RALGAPA2: variants seen among roughly 807,000 people sequenced by gnomAD.
RALGAPA2 encodes ral GTPase-activating protein subunit alpha-2.
RALGAPA2 carries 139 observed loss-of-function variants against 230.4 expected under a neutral mutation model. The ratio of observed to expected loss-of-function variants is 0.60; its 90% CI spans 0.53 to 0.69. The LOEUF (loss-of-function observed/expected upper bound fraction) is 0.69. RALGAPA2 is among the 30% of genes least tolerant of loss of function. The probability of loss-of-function intolerance (pLI) is 0.00; values close to 1 mark genes in which losing one functional copy is unlikely to be tolerated. For missense variants in RALGAPA2, 2,163 were observed against 2,276.0 expected, an observed-to-expected ratio of 0.95 and a Z score of 1.01; for synonymous variants, 847 against 837.8, an observed-to-expected ratio of 1.01 and a Z score of -0.19.
chr20:20,441,069 G>A (rs564722273), intron 37 of RALGAPA2, among the ~76,000 whole-genome samples: 13 of 152,350 alleles, frequency 8.5e-5, no homozygotes, highest in African/African-American at 2.9e-4. Flanking sequence ...ATGGAGCAGT[G>A]TAGCTCTGCC....
At chr20:20,570,335 CAA>C in intron 23 of RALGAPA2, among the ~76,000 whole-genome samples, 2 of 152,124 alleles carry the variant, frequency 1.3e-5, no homozygotes, top group East Asian at 3.9e-4. Context: ...TCTAAAGCAA[CAA>C]AAAAAGTTTG....
intron 3 of RALGAPA2, among the ~76,000 whole-genome samples, chr20:20,661,450 G>A (rs1181390321): frequency 6.6e-6 from 1 of 152,196 alleles, no homozygotes; most frequent in Non-Finnish European, 1.5e-5. Context: ...GTGAGTCACT[G>A]TGCCTGGCTG....
intron 1 of RALGAPA2, among the ~76,000 whole-genome samples, chr20:20,691,594 A>G (rs2068909731): frequency 6.6e-6 from 1 of 152,196 alleles, no homozygotes; most frequent in Non-Finnish European, 1.5e-5. Context: ...AGGCTTTGAC[A>G]CCACTCCCCG....
In RALGAPA2 at chr20:20,512,575, T is replaced by C; in HGVS notation, c.4794A>G (p.Arg1598=). 1 of 1,613,792 alleles carries C rather than the reference T, an allele frequency of 6.2e-7. No homozygotes were observed. Among genetic ancestry groups the C allele is most frequent in the East Asian group, 2.2e-5 (1 of 44,860 alleles). The change falls in exon 32 of 40, where the codon CGA becomes CGG. Residue 1598 remains arginine (R), a synonymous_variant. Coordinates refer to ENST00000202677, the MANE Select transcript of RALGAPA2 (RefSeq NM_020343.4). The part of the protein sequence containing the change: ...SQGQPSPVEP[R]GPFYFCRLLL... ...ATAACCTGCAGAAATAAAAGGGTCCTCGGGGCTCCACTGGGGAGGGCTGCC... is the reference window on the plus strand; with the variant it reads ...ATAACCTGCAGAAATAAAAGGGTCCCCGGGGCTCCACTGGGGAGGGCTGCC...
intron 1 of RALGAPA2, among the ~76,000 whole-genome samples, chr20:20,681,929 G>A (rs2068535659): frequency 3.3e-5 from 5 of 152,110 alleles, no homozygotes. Context: ...ATTCTGCAAG[G>A]ATTACTCAAG....
At chr20:20,621,343 G>A (rs1050312579) in intron 10 of RALGAPA2, among the ~76,000 whole-genome samples, 5 of 152,088 alleles carry the variant, frequency 3.3e-5, no homozygotes, top group African/African-American at 4.8e-5. Flanking sequence ...GCAACCAGTC[G>A]TGCCCACCTC....
At chr20:20,478,652 A>C (rs568564139) in intron 36 of RALGAPA2, among the ~76,000 whole-genome samples, 1 of 152,262 alleles carries the variant, frequency 6.6e-6, no homozygotes, top group Non-Finnish European at 1.5e-5. Flanking sequence ...TAAAGATAAC[A>C]ACAAAAATTG....
At chr20:20,573,377 C>A (rs949822587) in intron 20 of RALGAPA2, among the ~76,000 whole-genome samples, 6 of 152,130 alleles carry the variant, frequency 3.9e-5, no homozygotes, top group Non-Finnish European at 8.8e-5. Flanking sequence ...GAAACAGTGC[C>A]ATGGAAATGG....
At chr20:20,478,961 T>C (rs1307216906) in intron 36 of RALGAPA2, among the ~76,000 whole-genome samples, 1 of 151,836 alleles carries the variant, frequency 6.6e-6, no homozygotes, top group Non-Finnish European at 1.5e-5. Flanking sequence ...TAAATAATAT[T>C]AGAAACAAAA....
At chr20:20,582,161 A>AGTGTGTGTGTGTGT (rs35240382) in intron 20 of RALGAPA2, among the ~76,000 whole-genome samples, 2,446 of 146,110 alleles carry the variant, frequency 0.017, 32 homozygotes, top group Non-Finnish European at 0.026. Flanking sequence ...AGTGTCACAC[A>AGTGTGTGTGTGTGT]GTGTGTGTGT....
In RALGAPA2 at chr20:20,570,851, G is replaced by A. The variant is rs558695023; in HGVS notation, c.3156+607C>T. 4.6e-5 allele frequency among the ~76,000 whole-genome samples: 7 copies of A among 152,260 alleles called. No individual in the cohort carries two copies. In the South Asian group the frequency reaches 1.5e-3, roughly 32 times the overall value. The stretch of plus-strand genomic sequence containing the variant: ...TATCCGTAATCTCCCTCAACTGGCA[G>A]AAGTCTTCCCAAGGGAGGAAGGTCA... On this transcript the variant is annotated intron_variant, in intron 23 of 39. Coordinates refer to ENST00000202677, the MANE Select transcript of RALGAPA2 (RefSeq NM_020343.4).
At chr20:20,599,882 A>G in intron 16 of RALGAPA2, among the ~76,000 whole-genome samples, 1 of 152,050 alleles carries the variant, frequency 6.6e-6, no homozygotes, top group African/African-American at 2.4e-5. Context: ...CTGAGGTGGT[A>G]GAATCGCTTG....
In RALGAPA2 at chr20:20,458,671, A is replaced by AAT. The variant is rs570013461; in HGVS notation, c.5495+14156_5495+14157dup. Among the ~76,000 whole-genome samples, 555 of 130,810 alleles carry AAT rather than the reference A, an allele frequency of 4.2e-3. 4 individuals are homozygous for AAT. Among genetic ancestry groups the AAT allele is most frequent in the African/African-American group, 0.011 (398 of 34,662 alleles). 85.8% of individuals were successfully genotyped at this position (130,810 alleles called of 152,430 possible). ...GGGGCTGGCAGTAGAGCCCTCATTC[A>AAT]ATATATATATATATAGACCTATATA... On this transcript the variant is annotated intron_variant, in intron 37 of 39. Transcript: ENST00000202677.
intron 37 of RALGAPA2, among the ~76,000 whole-genome samples, chr20:20,427,076 C>T (rs907307410): frequency 2.6e-5 from 4 of 152,148 alleles, no homozygotes; most frequent in Middle Eastern, 3.2e-3. Flanking sequence ...CACGGCCCTG[C>T]CTCTTATGAT....
intron 16 of RALGAPA2, 85 bp from the exon 17 acceptor site, chr20:20,591,399 T>TA: frequency 7.0e-7 from 1 of 1,419,198 alleles, no homozygotes; most frequent in Non-Finnish European, 9.5e-7. Flanking sequence ...ATTTAAAAAA[T>TA]AAAGTTTCAA....
intron 36 of RALGAPA2, among the ~76,000 whole-genome samples, chr20:20,475,560 A>G (rs974012807): frequency 6.6e-6 from 1 of 152,154 alleles, no homozygotes; most frequent in African/African-American, 2.4e-5. Flanking sequence ...AACAGAACAA[A>G]AACTCTCAGC....
At chr20:20,420,992 A>G (rs2060264855) in intron 37 of RALGAPA2, among the ~76,000 whole-genome samples, 1 of 152,192 alleles carries the variant, frequency 6.6e-6, no homozygotes. Flanking sequence ...CAATGTTTTG[A>G]GTAGTGATGA....
At chr20:20,556,146 G>A (rs536605385) in intron 23 of RALGAPA2, among the ~76,000 whole-genome samples, 50 of 152,128 alleles carry the variant, frequency 3.3e-4, no homozygotes, top group Non-Finnish European at 6.3e-4. Flanking sequence ...GGATGCTCAG[G>A]GTGCTGTGAG....
chr20:20,430,001 G>A (rs1023328203), intron 37 of RALGAPA2, among the ~76,000 whole-genome samples: 1 of 152,252 alleles, frequency 6.6e-6, no homozygotes, highest in African/African-American at 2.4e-5. Context: ...TAGCAGGGTT[G>A]AAGTCAAAGC....
Sources: gnomAD v4.1 joint callset for allele counts (sites outside exome capture counted in the v4.1 genomes callset) on GRCh38, gnomAD v4.1.1 for gene constraint, MANE v1.5 for transcripts, NCBI Gene and HGNC (gene_info 2026-07-23, HGNC 2026-07-21) for gene names.